Variants in ADAMTS17 observed in about 807,000 individuals in gnomAD.
ADAMTS17 encodes the protein ADAM metallopeptidase with thrombospondin type 1 motif 17.
ADAMTS17 carries 113 observed loss-of-function variants against 141.5 expected under a neutral mutation model. That is an observed-to-expected ratio of 0.80 (90% confidence interval 0.69 to 0.93). The LOEUF (loss-of-function observed/expected upper bound fraction) is 0.93. ADAMTS17 is among the 40% of genes least tolerant of loss of function. The pLI is 0.00. For synonymous variants in ADAMTS17, 768 were observed against 630.6 expected (o/e 1.22, Z -3.27); for missense variants, 1,659 against 1,517.9 (o/e 1.09, Z -1.54).
chr15:100,059,457 G>C (rs995176534), intron 15 of ADAMTS17, among the ~76,000 whole-genome samples: 1 of 152,156 alleles, frequency 6.6e-6, no homozygotes, highest in Non-Finnish European at 1.5e-5. Context: ...GGAGGCATAG[G>C]GGTTACTTCC....
intron 8 of ADAMTS17, among the ~76,000 whole-genome samples, chr15:100,191,772 A>T (rs1417163677): frequency 6.6e-6 from 1 of 152,164 alleles, no homozygotes; most frequent in African/African-American, 2.4e-5. Flanking sequence ...TTCTGCTTTT[A>T]TTTGTGTGAG....
intron 13 of ADAMTS17, among the ~76,000 whole-genome samples, chr15:100,114,929 G>A (rs975271337): frequency 6.6e-6 from 1 of 152,238 alleles, no homozygotes; most frequent in Non-Finnish European, 1.5e-5. Flanking sequence ...ATTTCAGTGG[G>A]ATTTCTGTGC....
At chr15:100,110,073 T>C (rs887584022) in intron 13 of ADAMTS17, among the ~76,000 whole-genome samples, 2 of 151,026 alleles carry the variant, frequency 1.3e-5, no homozygotes, top group African/African-American at 4.9e-5. Flanking sequence ...ATTGAAGTAA[T>C]GCTGGGTCTG....
At position 100,209,131 on chromosome 15, in the gene ADAMTS17, A is replaced by AAAAAAAGG. The variant is rs1555483240; in HGVS notation, c.1076-9709_1076-9708insCCTTTTTT. ...AAGTTAGCAAAAAAAAAAAAAAAAAAAAGGAAGAAAGAAAGAAAAGGATTC... is the reference window on the plus strand; with the variant it reads ...AAGTTAGCAAAAAAAAAAAAAAAAAAAAAAAAGGAAGGAAGAAAGAAAGAAAAGGATTC... On this transcript the variant is annotated intron_variant, in intron 7 of 21. Coordinates refer to ENST00000268070, the MANE Select transcript of ADAMTS17 (RefSeq NM_139057.4). Among the ~76,000 whole-genome samples, 1,006 of 132,830 alleles carry AAAAAAAGG rather than the reference A, an allele frequency of 7.6e-3. 23 individuals are homozygous for AAAAAAAGG. Among genetic ancestry groups the AAAAAAAGG allele is most frequent in the African/African-American group, 0.024 (810 of 33,376 alleles). The allele number at this position is 132,830 out of a possible 152,430, so 87.1% of individuals were successfully genotyped here. A position where few individuals can be genotyped will look rare whatever the true frequency, so the allele number is the denominator to read the frequency against.
intron 7 of ADAMTS17, among the ~76,000 whole-genome samples, chr15:100,223,067 C>T (rs1303774251): frequency 6.6e-6 from 1 of 152,188 alleles, no homozygotes; most frequent in African/African-American, 2.4e-5. Flanking sequence ...GATGCGGGTG[C>T]AGGAACATTT....
At chr15:100,246,735 C>A (rs955765505) in intron 7 of ADAMTS17, among the ~76,000 whole-genome samples, 11 of 152,170 alleles carry the variant, frequency 7.2e-5, no homozygotes, top group Admixed American at 7.2e-4. Context: ...TGTATTTTAT[C>A]CATTCCATAG....
chr15:100,026,964 A>T (rs561747789), intron 18 of ADAMTS17, among the ~76,000 whole-genome samples: 95 of 152,318 alleles, frequency 6.2e-4, no homozygotes, highest in Non-Finnish European at 1.2e-3. Flanking sequence ...ACATACTATC[A>T]TCTGTCTTTT....
chr15:100,108,368 G>C (rs977984176), intron 14 of ADAMTS17, among the ~76,000 whole-genome samples: 3 of 152,144 alleles, frequency 2.0e-5, no homozygotes, highest in Admixed American at 6.5e-5. Flanking sequence ...TAGAGACTGA[G>C]TTTCACCCTG....
At chr15:100,076,779 T>C (rs1054717141) in intron 15 of ADAMTS17, among the ~76,000 whole-genome samples, 3 of 152,120 alleles carry the variant, frequency 2.0e-5, no homozygotes, top group Non-Finnish European at 4.4e-5. Flanking sequence ...AGTTTAATAC[T>C]ACACAAACAA....
At chr15:100,136,608 T>C (rs1487311453) in intron 10 of ADAMTS17, among the ~76,000 whole-genome samples, 1 of 152,236 alleles carries the variant, frequency 6.6e-6, no homozygotes, top group Non-Finnish European at 1.5e-5. Flanking sequence ...GGGCTTTCTC[T>C]ATTTTTTCCA....
At chr15:100,186,889 G>A (rs751232230) in intron 8 of ADAMTS17, among the ~76,000 whole-genome samples, 7 of 152,146 alleles carry the variant, frequency 4.6e-5, no homozygotes, top group African/African-American at 7.2e-5. Flanking sequence ...TATTAATATC[G>A]TAAGTTGAAA....
chr15:100,261,709 G>C lies in ADAMTS17; in HGVS notation c.874-73C>G. 7 of 1,522,496 alleles carry C rather than the reference G, an allele frequency of 4.6e-6. No individual in the cohort carries two copies. In the South Asian group the frequency reaches 8.3e-5, roughly 18 times the overall value. The allele number at this position is 1,522,496 out of a possible 1,614,324, so 94.3% of individuals were successfully genotyped here. A position where few individuals can be genotyped will look rare whatever the true frequency, so the allele number is the denominator to read the frequency against. On this transcript the variant is annotated intron_variant, in intron 5 of 21. Coordinates refer to ENST00000268070, the MANE Select transcript of ADAMTS17 (RefSeq NM_139057.4). ...AGAGTTTATTTCCAGACTATGACAA[G>C]GACGTTAAGGTGGAGGCAGTCACTC... is the stretch of plus-strand genomic sequence containing the variant.
intron 15 of ADAMTS17, among the ~76,000 whole-genome samples, chr15:100,077,707 C>T (rs1176013376): frequency 1.3e-5 from 2 of 152,126 alleles, no homozygotes; most frequent in Admixed American, 1.3e-4. Flanking sequence ...AGATAAGGAA[C>T]AAGACAAGGA....
intron 20 of ADAMTS17, chr15:99,976,725 C>CG (rs1398779480): frequency 3.9e-5 from 8 of 207,014 alleles, no homozygotes; most frequent in Non-Finnish European, 6.8e-5. Flanking sequence ...GTCTGTAAAT[C>CG]GGGGAGGGTC....
At chr15:100,310,960 C>T (rs1455412955) in intron 3 of ADAMTS17, among the ~76,000 whole-genome samples, 2 of 152,232 alleles carry the variant, frequency 1.3e-5, no homozygotes, top group East Asian at 3.8e-4. Flanking sequence ...GCATCTGCAG[C>T]TGGAAAACGC....
At chr15:100,129,786 C>G (rs1371888483) in intron 12 of ADAMTS17, 1 of 152,240 alleles carries the variant, frequency 6.6e-6, no homozygotes, top group East Asian at 1.9e-4. Flanking sequence ...GAAGATTTGT[C>G]TGTCCTGGCT....
intron 21 of ADAMTS17, among the ~76,000 whole-genome samples, chr15:99,975,138 A>G (rs1405168001): frequency 6.6e-6 from 1 of 152,246 alleles, no homozygotes; most frequent in African/African-American, 2.4e-5. Flanking sequence ...GTGAGTTTCC[A>G]GCCTCAGGTA....
intron 8 of ADAMTS17, among the ~76,000 whole-genome samples, chr15:100,177,755 T>C (rs1005430975): frequency 3.9e-5 from 6 of 152,224 alleles, no homozygotes; most frequent in South Asian, 2.1e-4. Flanking sequence ...CCTTTTAAAA[T>C]TGTGGATTCA....
intron 18 of ADAMTS17, among the ~76,000 whole-genome samples, chr15:100,012,107 G>A (rs573385974): frequency 1.2e-4 from 18 of 152,092 alleles, no homozygotes; most frequent in Non-Finnish European, 2.5e-4. Context: ...ATGGGGTATC[G>A]CATTGTGGTT....
Sources: gnomAD v4.1 joint callset for allele counts (sites outside exome capture counted in the v4.1 genomes callset) on GRCh38, gnomAD v4.1.1 for gene constraint, MANE v1.5 for transcripts, NCBI Gene and HGNC (gene_info 2026-07-23, HGNC 2026-07-21) for gene names.